Variants in PILRA observed in about 807,000 individuals in gnomAD.
The protein encoded by PILRA is paired immunoglobin like type 2 receptor alpha, also known as paired immunoglobulin-like type 2 receptor alpha.
Under a neutral mutation model 33.1 loss-of-function variants are expected in PILRA, and 37 were observed. That is an observed-to-expected ratio of 1.12 (90% CI 0.86 to 1.47). The LOEUF (loss-of-function observed/expected upper bound fraction) is 1.47. Ranked by LOEUF, PILRA falls within the 40% of genes most tolerant of loss-of-function variation. The probability of loss-of-function intolerance (pLI) is 0.00; values close to 1 mark genes in which losing one functional copy is unlikely to be tolerated. For missense variants in PILRA, 312 were observed against 376.2 expected (o/e 0.83, Z 1.41); for synonymous variants, 146 against 149.9 (o/e 0.97, Z 0.19).
At chr7:100,381,221 G>A (rs1473603544) in intron 2 of PILRA, among the ~76,000 whole-genome samples, 2 of 149,940 alleles carry the variant, frequency 1.3e-5, no homozygotes, top group East Asian at 2.0e-4. Context: ...AGCCGAGATC[G>A]CGCCACTGCA....
chr7:100,396,858 C>G (rs534450900), intron 3 of PILRA, among the ~76,000 whole-genome samples: 3 of 151,862 alleles, frequency 2.0e-5, no homozygotes, highest in African/African-American at 7.2e-5. Context: ...AGTAGGGGTT[C>G]TTTAAAACTG....
chr7:100,372,471 C>A (rs536026983), upstream of PILRA, among the ~76,000 whole-genome samples: 8 of 152,290 alleles, frequency 5.3e-5, no homozygotes, highest in South Asian at 1.7e-3. Flanking sequence ...ACTGATGCCA[C>A]CTCACCCTGG....
rs1461306603 is a variant in PILRA, at chr7:100,398,045, T to TA, written c.707+134dup. ...CACGGCCATTGTTGCATCCCCAACT[T>TA]ACCCATCCTTGTTCTCCTTTGTCCT... On this transcript the variant is annotated intron_variant, in intron 4 of 6. Transcript: ENST00000198536. 4 of 833,406 alleles carry TA rather than the reference T, an allele frequency of 4.8e-6. No homozygotes were observed. The Admixed American group carries it at 8.4e-5, about 18-fold the overall frequency. The allele number at this position is 833,406 out of a possible 1,614,324, so 51.6% of individuals were successfully genotyped here. A position where few individuals can be genotyped will look rare whatever the true frequency, so the allele number is the denominator to read the frequency against.
At chr7:100,380,905 A>G (rs938699055) in intron 2 of PILRA, among the ~76,000 whole-genome samples, 1 of 151,944 alleles carries the variant, frequency 6.6e-6, no homozygotes, top group African/African-American at 2.4e-5. Flanking sequence ...CGGGAGGAGG[A>G]GGTGGCAGTG....
upstream of PILRA, among the ~76,000 whole-genome samples, chr7:100,372,521 A>G (rs1790842348): frequency 6.6e-6 from 1 of 152,062 alleles, no homozygotes; most frequent in African/African-American, 2.4e-5. Flanking sequence ...AGCCCTGTGC[A>G]CCACCAAAGC....
At chr7:100,372,013 A>ACACATTG (rs1370983367), upstream of PILRA, among the ~76,000 whole-genome samples, 1 of 152,196 alleles carries the variant, frequency 6.6e-6, no homozygotes, top group Non-Finnish European at 1.5e-5. Context: ...CACATTGGAC[A>ACACATTG]GCCTGGTAAG....
chr7:100,392,263 A>C (rs1158177253), intron 3 of PILRA, among the ~76,000 whole-genome samples: 4 of 152,114 alleles, frequency 2.6e-5, no homozygotes, highest in Admixed American at 2.6e-4. Flanking sequence ...GAACTGAGAG[A>C]GTACCACTGC....
rs1490606353 is a variant in PILRA at position 100,373,859 on chromosome 7, A to AC, written c.64+143dup. On this transcript the variant is annotated intron_variant, in intron 1 of 6. Coordinates refer to ENST00000198536, the MANE Select transcript of PILRA (RefSeq NM_013439.3). ...AGGGCGGGTCCCACAGGGGCGGGTG[A>AC]CCCCATCCTCTCCCCCTCCTCCCTC... 129 of 1,287,356 alleles carry AC rather than the reference A, an allele frequency of 1.0e-4. 1 individual carries two copies. In the East Asian group the frequency reaches 2.8e-3, roughly 27 times the overall value. 79.7% of individuals were successfully genotyped at this position (1,287,356 alleles called of 1,614,324 possible). A position where few individuals can be genotyped will look rare whatever the true frequency, so the allele number is the denominator to read the frequency against.
intron 3 of PILRA, among the ~76,000 whole-genome samples, chr7:100,392,030 T>C (rs1791398915): frequency 6.6e-6 from 1 of 152,158 alleles, no homozygotes; most frequent in African/African-American, 2.4e-5. Context: ...GGGCTAGGCA[T>C]GATGGCTCCC....
At chr7:100,398,634 T>G (rs1209286625) in intron 4 of PILRA, among the ~76,000 whole-genome samples, 3 of 152,150 alleles carry the variant, frequency 2.0e-5, no homozygotes, top group African/African-American at 7.2e-5. Context: ...AGACCTGAAA[T>G]TCACGCAATT....
chr7:100,375,822 C>T (rs1228430616), intron 2 of PILRA, among the ~76,000 whole-genome samples: 1 of 152,244 alleles, frequency 6.6e-6, no homozygotes, highest in African/African-American at 2.4e-5. Context: ...AGGGCTTCGC[C>T]TATTGAGTTG....
chr7:100,389,647 AGGAAGGAAAG>A (rs1791336741), intron 2 of PILRA, among the ~76,000 whole-genome samples: 1 of 151,346 alleles, frequency 6.6e-6, no homozygotes, highest in Non-Finnish European at 1.5e-5. Context: ...GGAGGGAGAG[AGGAAGGAAAG>A]GAAAGGAAAG....
intron 2 of PILRA, among the ~76,000 whole-genome samples, chr7:100,382,265 CTG>C (rs1791123038): frequency 6.6e-6 from 1 of 152,212 alleles, no homozygotes; most frequent in African/African-American, 2.4e-5. Flanking sequence ...AATCAGCACT[CTG>C]TATCTACGTC....
chr7:100,376,518 T>C (rs968013440), intron 2 of PILRA: 2 of 147,802 alleles, frequency 1.4e-5, no homozygotes, highest in African/African-American at 5.0e-5. Context: ...AATCTCTCTC[T>C]GTCACCCAGG....
intron 3 of PILRA, among the ~76,000 whole-genome samples, chr7:100,394,577 G>A: frequency 8.6e-6 from 1 of 116,832 alleles, no homozygotes; most frequent in African/African-American, 3.4e-5. Flanking sequence ...CTGGGTGACA[G>A]AGTGAGATTC....
chr7:100,398,442 C>T (rs1791545494), intron 4 of PILRA, among the ~76,000 whole-genome samples: 1 of 152,168 alleles, frequency 6.6e-6, no homozygotes, highest in Admixed American at 6.5e-5. Context: ...TGGGCTCTTC[C>T]TCTCCACCCT....
In PILRA at chr7:100,398,887, G is replaced by A. The variant is rs62482204; in HGVS notation, c.708-404G>A. Among the ~76,000 whole-genome samples the A allele has an allele frequency of 7.7e-3, 1,172 of 151,600 alleles. 8 individuals are homozygous for A. The highest frequency in any genetic ancestry group is 0.013 in the Non-Finnish European group (883 of 67,948). Reference sequence around the variant, plus strand: ...CTGAGCAGGGTGGACAGGTTGCAGAGCACTCCCCAAAGAGAACCAACCCCT... The same window carrying A: ...CTGAGCAGGGTGGACAGGTTGCAGAACACTCCCCAAAGAGAACCAACCCCT... On this transcript the variant is annotated intron_variant, in intron 4 of 6. Coordinates refer to ENST00000198536, the MANE Select transcript of PILRA (RefSeq NM_013439.3).
At chr7:100,387,509 T>C (rs926282086) in intron 2 of PILRA, among the ~76,000 whole-genome samples, 3 of 152,186 alleles carry the variant, frequency 2.0e-5, no homozygotes, top group African/African-American at 7.2e-5. Flanking sequence ...CCACTGTGCC[T>C]GGCCCCAAGG....
chr7:100,378,382 CTGT>C (rs1391293320), intron 2 of PILRA, among the ~76,000 whole-genome samples: 1 of 151,852 alleles, frequency 6.6e-6, no homozygotes, highest in Non-Finnish European at 1.5e-5. Context: ...AAATATTTTT[CTGT>C]TGTTGCCTGC....
Sources: gnomAD v4.1 joint callset for allele counts (sites outside exome capture counted in the v4.1 genomes callset) on GRCh38, gnomAD v4.1.1 for gene constraint, MANE v1.5 for transcripts, NCBI Gene and HGNC (gene_info 2026-07-23, HGNC 2026-07-21) for gene names.